Variants in ADK observed in about 807,000 individuals in gnomAD.
ADK encodes the protein N6,N6-dimethyladenosine kinase.
A neutral mutation model predicts 44.7 loss-of-function variants in ADK; 24 were observed. The ratio of observed to expected loss-of-function variants is 0.54; its 90% confidence interval spans 0.39 to 0.76. ADK has a LOEUF of 0.76. Ranked by LOEUF, ADK falls within the 30% of genes least tolerant of loss-of-function variation. ADK has a pLI of 0.00. For synonymous variants in ADK, 128 were observed against 142.6 expected (o/e 0.90, Z 0.73); for missense variants, 321 against 425.1 (o/e 0.76, Z 2.15).
intron 3 of ADK, among the ~76,000 whole-genome samples, chr10:74,261,464 C>T (rs1012263772): frequency 8.5e-5 from 13 of 152,116 alleles, no homozygotes; most frequent in African/African-American, 3.1e-4. Flanking sequence ...TTTTGGGGGA[C>T]AATTTGCTTT....
At chr10:74,536,559 T>C (rs904168986) in intron 7 of ADK, among the ~76,000 whole-genome samples, 3 of 151,932 alleles carry the variant, frequency 2.0e-5, no homozygotes, top group Non-Finnish European at 2.9e-5. Context: ...TTAAGTACAT[T>C]TGCAATGTTG....
intron 9 of ADK, among the ~76,000 whole-genome samples, chr10:74,621,757 A>G (rs1254590956): frequency 6.6e-6 from 1 of 152,098 alleles, no homozygotes; most frequent in Non-Finnish European, 1.5e-5. Flanking sequence ...ATCAAATGTT[A>G]AACATTGTCC....
At chr10:74,169,520 C>T (rs1313794033) in intron 1 of ADK, among the ~76,000 whole-genome samples, 1 of 152,124 alleles carries the variant, frequency 6.6e-6, no homozygotes. Context: ...GCTAAGAATT[C>T]TTACTAAATA....
At chr10:74,674,472 A>G (rs1855308199) in intron 10 of ADK, among the ~76,000 whole-genome samples, 1 of 152,168 alleles carries the variant, frequency 6.6e-6, no homozygotes. Flanking sequence ...TGTCTCTACT[A>G]AAAATACAGA....
intron 9 of ADK, among the ~76,000 whole-genome samples, chr10:74,644,067 A>T (rs945245347): frequency 7.9e-5 from 12 of 152,206 alleles, no homozygotes; most frequent in Admixed American, 3.3e-4. Context: ...CAGATTTTTT[A>T]AAAATATGTC....
At chr10:74,473,000 A>C (rs1295991805) in intron 6 of ADK, among the ~76,000 whole-genome samples, 2 of 151,344 alleles carry the variant, frequency 1.3e-5, no homozygotes, top group Non-Finnish European at 2.9e-5. Context: ...GTTTGTTTTC[A>C]TTTTTTTGAG....
At chr10:74,415,670 G>A (rs1205916314) in intron 6 of ADK, among the ~76,000 whole-genome samples, 1 of 152,054 alleles carries the variant, frequency 6.6e-6, no homozygotes, top group Non-Finnish European at 1.5e-5. Context: ...TGTATTTACA[G>A]AGTTCTGCTA....
rs1265438427 is a variant in ADK, at chr10:74,567,711, T to C, written c.727-21571T>C. 4.8e-5 allele frequency among the ~76,000 whole-genome samples: 7 copies of C among 147,220 alleles called. No individual in the cohort carries two copies. The East Asian group carries it at 1.4e-3, about 29-fold the overall frequency. ...TTTTGTTTTTTTTGTTTTTTTTTTT[T>C]TTTTTGAGATGGAGTCTCGCTCTGT... On this transcript the variant is annotated intron_variant, in intron 7 of 10. Transcript: ENST00000539909.
chr10:74,224,269 A>G (rs1014620679), intron 2 of ADK, among the ~76,000 whole-genome samples: 2 of 152,238 alleles, frequency 1.3e-5, no homozygotes, highest in African/African-American at 2.4e-5. Flanking sequence ...GAACTGCTGA[A>G]TAAGTGTGAC....
intron 1 of ADK, among the ~76,000 whole-genome samples, chr10:74,191,729 T>C (rs929311296): frequency 6.6e-6 from 1 of 152,240 alleles, no homozygotes. Flanking sequence ...CTGATTTCGG[T>C]GTTATACAAT....
intron 9 of ADK, among the ~76,000 whole-genome samples, chr10:74,601,588 A>C (rs113314388): frequency 0.013 from 1,952 of 152,270 alleles, 41 homozygotes; most frequent in African/African-American, 0.044. Flanking sequence ...GTAATGAATT[A>C]ATTGTTGAAG....
intron 6 of ADK, among the ~76,000 whole-genome samples, chr10:74,492,608 TG>T (rs918906007): frequency 1.6e-4 from 24 of 152,330 alleles, no homozygotes; most frequent in African/African-American, 5.8e-4. Flanking sequence ...TTTTCATGAT[TG>T]GGCAATGAAT....
At chr10:74,584,409 A>G (rs1851464785) in intron 7 of ADK, among the ~76,000 whole-genome samples, 1 of 152,196 alleles carries the variant, frequency 6.6e-6, no homozygotes, top group South Asian at 2.1e-4. Flanking sequence ...AATAATTTGT[A>G]AAACTGGGAC....
intron 3 of ADK, among the ~76,000 whole-genome samples, chr10:74,245,722 C>G (rs1209748628): frequency 4.6e-5 from 7 of 151,670 alleles, no homozygotes; most frequent in African/African-American, 1.7e-4. Context: ...TTCTTAGTAG[C>G]TGGGATTACA....
chr10:74,520,226 T>A (rs1031984618), intron 6 of ADK, among the ~76,000 whole-genome samples: 1 of 151,974 alleles, frequency 6.6e-6, no homozygotes, highest in Non-Finnish European at 1.5e-5. Flanking sequence ...CCAAATAGAT[T>A]AAAATCTACT....
intron 6 of ADK, among the ~76,000 whole-genome samples, chr10:74,489,880 G>T (rs932333542): frequency 6.6e-6 from 1 of 151,956 alleles, no homozygotes; most frequent in Non-Finnish European, 1.5e-5. Flanking sequence ...AAAAAAACTT[G>T]TGTAAGTAGG....
Position 74,303,585 on chromosome 10 carries a change from G to GT in ADK, c.195-11080dup, listed in dbSNP as rs1282565148. Among the ~76,000 whole-genome samples, 224 of 64,632 alleles carry GT rather than the reference G, an allele frequency of 3.5e-3. 44 individuals are homozygous for GT. The highest frequency in any genetic ancestry group is 0.028 in the Admixed American group (134 of 4,758). 42.4% of individuals were successfully genotyped at this position (64,632 alleles called of 152,430 possible). A position where few individuals can be genotyped will look rare whatever the true frequency, so the allele number is the denominator to read the frequency against. On this transcript the variant is annotated intron_variant, in intron 3 of 10. Transcript: ENST00000539909. ...AAACACTTTTCATATTGGTTTTAATGTTGTTTTTTTTTTTTTTTTTTTTTT... is the reference window on the plus strand; with the variant it reads ...AAACACTTTTCATATTGGTTTTAATGTTTGTTTTTTTTTTTTTTTTTTTTTT...
rs538986086 is a variant in ADK, at chr10:74,188,439, C to T, written c.66-12325C>T. 9.6e-5 allele frequency among the ~76,000 whole-genome samples: 14 copies of T among 146,350 alleles called. 1 individual carries two copies. The South Asian group carries it at 3.0e-3, about 31-fold the overall frequency. On this transcript the variant is annotated intron_variant, in intron 1 of 10. Coordinates refer to ENST00000539909, the MANE Select transcript of ADK (RefSeq NM_006721.4). ...TCTTGGCTCACTGCAAGCTCCGCCTCCCGGGTTCACACCATTCTCCTGCCT... is the reference window on the plus strand; with the variant it reads ...TCTTGGCTCACTGCAAGCTCCGCCTTCCGGGTTCACACCATTCTCCTGCCT...
intron 9 of ADK, among the ~76,000 whole-genome samples, chr10:74,609,026 T>A (rs1176368022): frequency 6.6e-6 from 1 of 152,188 alleles, no homozygotes; most frequent in African/African-American, 2.4e-5. Context: ...TTTGCATCTT[T>A]GTTTACACTG....
Sources: gnomAD v4.1 joint callset for allele counts (sites outside exome capture counted in the v4.1 genomes callset) on GRCh38, gnomAD v4.1.1 for gene constraint, MANE v1.5 for transcripts, NCBI Gene and HGNC (gene_info 2026-07-23, HGNC 2026-07-21) for gene names.